Variants in WDPCP observed in about 807,000 individuals in gnomAD.
WDPCP encodes WD repeat containing planar cell polarity effector, also known as WD repeat-containing and planar cell polarity effector protein fritz homolog.
WDPCP carries 71 observed loss-of-function variants against 93.1 expected under a neutral mutation model. That is an observed-to-expected ratio of 0.76 (90% CI 0.63 to 0.93). The LOEUF is 0.93. WDPCP is among the 40% of genes least tolerant of loss of function. The probability of loss-of-function intolerance (pLI) is 0.00; values close to 1 mark genes in which losing one functional copy is unlikely to be tolerated. For synonymous variants in WDPCP, 315 were observed against 315.0 expected (o/e 1.00, Z 0.00); for missense variants, 844 against 887.4 (o/e 0.95, Z 0.62).
intron 13 of WDPCP, among the ~76,000 whole-genome samples, chr2:63,294,404 G>A (rs780446174): frequency 1.5e-4 from 22 of 151,394 alleles, no homozygotes; most frequent in South Asian, 4.2e-4. Flanking sequence ...CAGCTACTTG[G>A]GAGGCTGAGG....
chr2:63,739,559 G>A (rs1669686301), intron 2 of WDPCP, among the ~76,000 whole-genome samples: 1 of 152,030 alleles, frequency 6.6e-6, no homozygotes, highest in Admixed American at 6.5e-5. Context: ...GGGATTGCTG[G>A]GTTGAATGGT....
chr2:63,486,576 A>C lies in WDPCP; in HGVS notation c.219T>G (p.His73Gln). ...GCTTCTGCTTCTTTTCTAAGTTACCATGCTCTGTCGCTGATATTGTGGCAG... is the reference window on the plus strand; with the variant it reads ...GCTTCTGCTTCTTTTCTAAGTTACCCTGCTCTGTCGCTGATATTGTGGCAG... ...YDKKDPPATE[H>Q]GNLEKKQKLA... is the part of the protein sequence containing the mutation. The change falls in exon 4 of 18, where the codon CAT (histidine) becomes CAG (glutamine). Residue 73 changes from histidine to glutamine, a missense_variant. Physicochemically the swap from His to Gln is conservative, Grantham distance 24. Transcript: ENST00000272321. The C allele has an allele frequency of 1.9e-6, 3 of 1,576,276 alleles. No individual in the cohort carries two copies. Among genetic ancestry groups the C allele is most frequent in the Non-Finnish European group, 2.6e-6 (3 of 1,157,732 alleles).
chr2:63,491,095 T>C (rs1367267827), intron 2 of WDPCP, among the ~76,000 whole-genome samples: 16 of 152,216 alleles, frequency 1.1e-4, no homozygotes. Context: ...GAATTTTTTC[T>C]GCAACATATT....
intron 2 of WDPCP, among the ~76,000 whole-genome samples, chr2:63,781,834 C>T (rs1377249797): frequency 6.6e-6 from 1 of 152,092 alleles, no homozygotes; most frequent in Non-Finnish European, 1.5e-5. Flanking sequence ...TGTTAAGGAG[C>T]CCAGGACCCA....
intron 9 of WDPCP, 112 bp downstream of exon 9, chr2:63,433,633 G>T: frequency 1.7e-6 from 2 of 1,166,420 alleles, no homozygotes; most frequent in African/African-American, 1.6e-5. Flanking sequence ...TTGAATATTT[G>T]AAAAACATAA....
intron 2 of WDPCP, chr2:63,751,590 A>T (rs950406233): frequency 4.4e-6 from 2 of 454,940 alleles, no homozygotes; most frequent in Non-Finnish European, 8.6e-6. Flanking sequence ...AGGCCCTGCC[A>T]CCACTGTGCT....
chr2:63,236,943 T>C (rs1679453324), intron 14 of WDPCP, among the ~76,000 whole-genome samples: 1 of 151,554 alleles, frequency 6.6e-6, no homozygotes, highest in African/African-American at 2.4e-5. Context: ...TTGATAGACA[T>C]CCTCAAAAGC....
At chr2:63,176,917 T>C (rs13419820) in intron 14 of WDPCP, among the ~76,000 whole-genome samples, 2,732 of 152,310 alleles carry the variant, frequency 0.018, 91 homozygotes, top group African/African-American at 0.063. Flanking sequence ...CTTTAATTCA[T>C]TTTGAGTTAA....
intron 1 of WDPCP, among the ~76,000 whole-genome samples, chr2:63,548,554 G>C (rs1362707421): frequency 6.6e-6 from 1 of 152,032 alleles, no homozygotes; most frequent in Non-Finnish European, 1.5e-5. Context: ...AAAAGCTAAA[G>C]AATATGTACT....
At chr2:63,760,445 C>T (rs1670040337) in intron 2 of WDPCP, among the ~76,000 whole-genome samples, 1 of 151,836 alleles carries the variant, frequency 6.6e-6, no homozygotes, top group Non-Finnish European at 1.5e-5. Context: ...GGAATATTTC[C>T]CTTCCTGCCC....
chr2:63,656,228 T>C (rs1309703142), intron 2 of WDPCP, among the ~76,000 whole-genome samples: 3 of 152,208 alleles, frequency 2.0e-5, no homozygotes, highest in Non-Finnish European at 4.4e-5. Flanking sequence ...TCTTAAGATC[T>C]TGCTGCAACA....
chr2:63,766,466 A>G (rs549726693), intron 2 of WDPCP, among the ~76,000 whole-genome samples: 1 of 152,074 alleles, frequency 6.6e-6, no homozygotes, highest in African/African-American at 2.4e-5. Context: ...TTTAGCTGGG[A>G]CTATAGGCGT....
rs1452776320 is a variant in WDPCP at position 63,384,051 on chromosome 2, AG to A, written c.1436-1958del. Among the ~76,000 whole-genome samples, 13 of 152,300 alleles carry A rather than the reference AG, an allele frequency of 8.5e-5. No individual in the cohort carries two copies. In the East Asian group the frequency reaches 2.5e-3, roughly 29 times the overall value. On this transcript the variant is annotated intron_variant, in intron 10 of 17. Coordinates refer to ENST00000272321, the MANE Select transcript of WDPCP (RefSeq NM_015910.7). The stretch of plus-strand genomic sequence containing the variant: ...TTATCTGGAAAATCCCCAAATATTT[AG>A]AAGTTAAGCAACATCCTTCTAAATA...
At chr2:63,655,586 A>T (rs185879787) in intron 2 of WDPCP, among the ~76,000 whole-genome samples, 1 of 152,134 alleles carries the variant, frequency 6.6e-6, no homozygotes, top group African/African-American at 2.4e-5. Context: ...ACATGATTCA[A>T]AAGAGAAACT....
At chr2:63,343,484 C>G (rs1450325838) in intron 12 of WDPCP, among the ~76,000 whole-genome samples, 1 of 152,106 alleles carries the variant, frequency 6.6e-6, no homozygotes, top group East Asian at 1.9e-4. Flanking sequence ...AAGATTCTCT[C>G]TTTGTCATTT....
At chr2:63,534,306 T>C (rs1313643201) in intron 1 of WDPCP, among the ~76,000 whole-genome samples, 4 of 152,206 alleles carry the variant, frequency 2.6e-5, no homozygotes, top group Non-Finnish European at 4.4e-5. Flanking sequence ...TACCATTCCT[T>C]CTGAAACTAT....
Position 63,516,823 on chromosome 2 carries a change from A to AT in WDPCP, c.76-23884dup, listed in dbSNP as rs1201823803. Among the ~76,000 whole-genome samples, 3 of 152,130 alleles carry AT rather than the reference A, an allele frequency of 2.0e-5. No individual in the cohort carries two copies. In the East Asian group the frequency reaches 5.8e-4, roughly 29 times the overall value. On this transcript the variant is annotated intron_variant, in intron 1 of 17. Coordinates refer to ENST00000272321, the MANE Select transcript of WDPCP (RefSeq NM_015910.7). ...CTAAAATATGAGTAATGCATCTTAAATGTGAGCAATCTTCCCACTCTTAAC... is the reference window on the plus strand; with the variant it reads ...CTAAAATATGAGTAATGCATCTTAAATTGTGAGCAATCTTCCCACTCTTAAC...
intron 13 of WDPCP, among the ~76,000 whole-genome samples, chr2:63,310,144 C>T (rs182754637): frequency 6.6e-6 from 1 of 152,058 alleles, no homozygotes; most frequent in Admixed American, 6.6e-5. Context: ...ATATGCCAGG[C>T]ACTTCATATA....
chr2:63,394,315 C>T (rs1037958378), intron 10 of WDPCP, among the ~76,000 whole-genome samples: 1 of 151,686 alleles, frequency 6.6e-6, no homozygotes, highest in East Asian at 1.9e-4. Flanking sequence ...CAGAGAAATG[C>T]AAATCAAAAC....
Sources: gnomAD v4.1 joint callset for allele counts (sites outside exome capture counted in the v4.1 genomes callset) on GRCh38, gnomAD v4.1.1 for gene constraint, MANE v1.5 for transcripts, NCBI Gene and HGNC (gene_info 2026-07-23, HGNC 2026-07-21) for gene names.